The following DNAH7 variants were observed in gnomAD, a reference collection of about 807,000 sequenced individuals.
DNAH7 encodes axonemal beta dynein heavy chain 7.
DNAH7 carries 397 observed loss-of-function variants against 444.6 expected under a neutral mutation model. The observed-to-expected ratio is 0.89, with a 90% CI of 0.82 to 0.97. The LOEUF (loss-of-function observed/expected upper bound fraction) is 0.97. Ranked by LOEUF, DNAH7 falls within the 50% of genes least tolerant of loss-of-function variation. DNAH7 has a pLI of 0.00. For synonymous variants in DNAH7, 1,636 were observed against 1,624.4 expected (o/e 1.01, Z -0.17); for missense variants, 4,902 against 4,800.8 (o/e 1.02, Z -0.62).
intron 19 of DNAH7, among the ~76,000 whole-genome samples, chr2:195,955,883 T>C (rs1690613773): frequency 6.6e-6 from 1 of 152,154 alleles, no homozygotes; most frequent in Non-Finnish European, 1.5e-5. Flanking sequence ...AAGGAAACTA[T>C]ATATAAAAGA....
At position 195,864,474 on chromosome 2, in the gene DNAH7, C is replaced by A. The variant is rs1700200503; in HGVS notation, c.7181G>T (p.Gly2394Val). 1 of 1,614,088 alleles carries A rather than the reference C, an allele frequency of 6.2e-7. No individual in the cohort carries two copies. The highest frequency in any genetic ancestry group is 1.7e-5 in the Admixed American group (1 of 59,996). The part of the protein sequence containing the change: ...LRKCAEGEMQ[G>V]VFLFTDTQIK... Reference sequence around the variant, plus strand: ...TTGAGTATCTGTAAACAGGAAGACACCCTGCATCTCACCTTCCGCACATTT... The same window carrying A: ...TTGAGTATCTGTAAACAGGAAGACAACCTGCATCTCACCTTCCGCACATTT... Residue 2394 changes from glycine to valine, a missense_variant, in exon 41 of 65, where the codon GGT (glycine) becomes GTT (valine). Physicochemically the swap from Gly to Val is moderately radical, Grantham distance 109. Transcript: ENST00000312428.
chr2:195,973,668 C>T (rs922892955), intron 15 of DNAH7, among the ~76,000 whole-genome samples: 1 of 152,038 alleles, frequency 6.6e-6, no homozygotes, highest in Non-Finnish European at 1.5e-5. Flanking sequence ...GATGGGGTTT[C>T]ACCACGTTGG....
At chr2:195,797,976 C>T (rs1696243236) in intron 55 of DNAH7, among the ~76,000 whole-genome samples, 1 of 152,198 alleles carries the variant, frequency 6.6e-6, no homozygotes, top group Non-Finnish European at 1.5e-5. Context: ...ATGAGAATTA[C>T]ACTCATGCAA....
intron 17 of DNAH7, among the ~76,000 whole-genome samples, chr2:195,966,553 C>A (rs1476895587): frequency 6.6e-6 from 1 of 152,044 alleles, no homozygotes; most frequent in African/African-American, 2.4e-5. Flanking sequence ...AGGTGTTTAA[C>A]TCTCCAGCTA....
intron 58 of DNAH7, among the ~76,000 whole-genome samples, chr2:195,778,675 C>CACACACATATATAT (rs1695214780): frequency 1.4e-5 from 1 of 71,302 alleles, no homozygotes; most frequent in East Asian, 3.4e-4. Context: ...TATATACACA[C>CACACACATATATAT]ACACACATAT....
At chr2:196,043,858 C>T (rs1696928173) in intron 5 of DNAH7, among the ~76,000 whole-genome samples, 1 of 152,020 alleles carries the variant, frequency 6.6e-6, no homozygotes, top group African/African-American at 2.4e-5. Context: ...AATGCAATAC[C>T]ACTTTACTCC....
chr2:195,932,729 T>C lies in DNAH7; in HGVS notation c.3471+1862A>G, dbSNP rs141793413. 1.6e-3 allele frequency among the ~76,000 whole-genome samples: 248 copies of C among 152,316 alleles called. 3 individuals carry two copies. The East Asian group carries it at 0.037, about 23-fold the overall frequency. ...TATATGCTGGATTACATTTATTTAT[T>C]TGTGTGTGTCGAACCAGCCTTGCAT... On this transcript the variant is annotated intron_variant, in intron 21 of 64. Coordinates refer to ENST00000312428, the MANE Select transcript of DNAH7 (RefSeq NM_018897.3).
intron 19 of DNAH7, among the ~76,000 whole-genome samples, chr2:195,950,544 A>G (rs566155131): frequency 6.6e-6 from 1 of 151,564 alleles, no homozygotes; most frequent in African/African-American, 2.4e-5. Flanking sequence ...TATTTTGTTA[A>G]TCTTTCCAAA....
Position 195,857,450 on chromosome 2 carries a change from C to T in DNAH7, c.8341G>A (p.Glu2781Lys). ...GCTGTAGAAGCATTTCTGATTTTTT[C>T]TGGTACAAAATCTGGATTTGGAATA... ...NYIPNPDFVP[E>K]KIRNASTAAE... The change falls in exon 44 of 65, where the codon GAA becomes AAA. Residue 2781 changes from glutamate (E) to lysine (K), a missense_variant. Transcript: ENST00000312428. The T allele has an allele frequency of 1.2e-6, 2 of 1,612,762 alleles. No individual in the cohort carries two copies. The highest frequency in any genetic ancestry group is 1.7e-6 in the Non-Finnish European group (2 of 1,179,600).
intron 41 of DNAH7, among the ~76,000 whole-genome samples, chr2:195,863,803 C>T (rs1377514939): frequency 1.3e-5 from 2 of 152,174 alleles, no homozygotes; most frequent in East Asian, 3.8e-4. Flanking sequence ...CCAACATCCC[C>T]TCTTGGTTCC....
At chr2:196,033,967 C>T (rs990427537) in intron 5 of DNAH7, among the ~76,000 whole-genome samples, 1 of 152,204 alleles carries the variant, frequency 6.6e-6, no homozygotes, top group Non-Finnish European at 1.5e-5. Flanking sequence ...ACTAACATTT[C>T]ACATTAATGT....
chr2:196,009,016 C>A (rs1042375656), intron 10 of DNAH7, among the ~76,000 whole-genome samples: 1 of 152,138 alleles, frequency 6.6e-6, no homozygotes, highest in South Asian at 2.1e-4. Flanking sequence ...ATGGCCAGAG[C>A]GAGTGCAAGA....
At chr2:195,748,633 C>T (rs1365566129) in intron 63 of DNAH7, among the ~76,000 whole-genome samples, 3 of 152,188 alleles carry the variant, frequency 2.0e-5, no homozygotes, top group Admixed American at 2.0e-4. Context: ...GGTACCAAAA[C>T]AGAGATAGAG....
intron 57 of DNAH7, among the ~76,000 whole-genome samples, chr2:195,790,147 C>T (rs1695810445): frequency 6.6e-6 from 1 of 152,050 alleles, no homozygotes; most frequent in Non-Finnish European, 1.5e-5. Context: ...ACAAGGAGAA[C>T]CACAAAACAC....
chr2:195,767,667 T>A (rs1694648508), intron 61 of DNAH7, among the ~76,000 whole-genome samples: 1 of 152,006 alleles, frequency 6.6e-6, no homozygotes, highest in African/African-American at 2.4e-5. Context: ...TTTTCTTGGG[T>A]GTAACTTCAG....
At chr2:195,875,535 C>G (rs1344311172) in intron 38 of DNAH7, 140 bp downstream of exon 38, 25 of 771,760 alleles carry the variant, frequency 3.2e-5, no homozygotes, top group Non-Finnish European at 4.8e-5. Flanking sequence ...ATGATACACT[C>G]TGTTAGGTCA....
intron 60 of DNAH7, among the ~76,000 whole-genome samples, chr2:195,773,662 T>C (rs2105944153): frequency 6.6e-6 from 1 of 152,264 alleles, no homozygotes; most frequent in East Asian, 1.9e-4. Context: ...TTATCACAAA[T>C]AGCATCTGGA....
intron 1 of DNAH7, among the ~76,000 whole-genome samples, chr2:196,065,938 C>T (rs1218459601): frequency 1.3e-5 from 2 of 152,192 alleles, no homozygotes; most frequent in Admixed American, 1.3e-4. Context: ...TAGTTTTTAA[C>T]CTTACCAACA....
chr2:195,769,314 C>A (rs1426429643), intron 61 of DNAH7, among the ~76,000 whole-genome samples: 1 of 151,056 alleles, frequency 6.6e-6, no homozygotes, highest in Non-Finnish European at 1.5e-5. Flanking sequence ...CCTCCCAACT[C>A]AGCCTCCTAA....
Sources: allele counts gnomAD v4.1 joint callset (sites outside exome capture counted in the v4.1 genomes callset), GRCh38; gene constraint gnomAD v4.1.1; transcripts MANE v1.5; gene names NCBI Gene and HGNC (gene_info 2026-07-23, HGNC 2026-07-21).